SFMBT2: variants seen among roughly 807,000 people sequenced by gnomAD.
SFMBT2 encodes the protein scm-like with four MBT domains protein 2.
SFMBT2 carries 38 observed loss-of-function variants against 110.1 expected under a neutral mutation model. The ratio of observed to expected loss-of-function variants is 0.35; its 90% confidence interval spans 0.27 to 0.45. SFMBT2 has a LOEUF of 0.45. Ranked by LOEUF, SFMBT2 falls within the 20% of genes least tolerant of loss-of-function variation. SFMBT2 has a pLI of 1.00. For synonymous variants in SFMBT2, 425 were observed against 425.4 expected, an observed-to-expected ratio of 1.00 and a Z score of 0.01; for missense variants, 1,011 against 1,094.9, an observed-to-expected ratio of 0.92 and a Z score of 1.08.
chr10:7,199,887 A>G (rs902970113), intron 14 of SFMBT2, among the ~76,000 whole-genome samples: 2 of 152,228 alleles, frequency 1.3e-5, no homozygotes, highest in African/African-American at 4.8e-5. Context: ...CTTGATGGTC[A>G]GAGGGTAGCT....
At chr10:7,212,317 C>T (rs2131628682) in intron 11 of SFMBT2, among the ~76,000 whole-genome samples, 1 of 152,322 alleles carries the variant, frequency 6.6e-6, no homozygotes, top group Middle Eastern at 3.4e-3. Flanking sequence ...ATCGCTATTT[C>T]ATTTAGGAAT....
At chr10:7,237,413 T>C (rs1420020231) in intron 9 of SFMBT2, among the ~76,000 whole-genome samples, 3 of 152,272 alleles carry the variant, frequency 2.0e-5, no homozygotes, top group African/African-American at 4.8e-5. Context: ...CATAAAGATA[T>C]GCATAGCGCA....
intron 7 of SFMBT2, among the ~76,000 whole-genome samples, chr10:7,252,177 C>T (rs1180031464): frequency 1.3e-5 from 2 of 152,198 alleles, no homozygotes; most frequent in Non-Finnish European, 2.9e-5. Context: ...ATCTCATACT[C>T]CAAGTCCTCT....
chr10:7,167,600 G>A (rs546129088), intron 20 of SFMBT2, among the ~76,000 whole-genome samples: 66 of 152,194 alleles, frequency 4.3e-4, no homozygotes, highest in Non-Finnish European at 6.5e-4. Flanking sequence ...GTGACCTACC[G>A]GAGGCCTCAC....
chr10:7,348,345 T>A (rs1158326082), intron 4 of SFMBT2: 31 of 1,519,050 alleles, frequency 2.0e-5, no homozygotes, highest in Non-Finnish European at 2.2e-5. Flanking sequence ...TACAAAAAAA[T>A]AATCACAGAT....
At chr10:7,310,563 G>A (rs1246313044) in intron 4 of SFMBT2, among the ~76,000 whole-genome samples, 1 of 152,152 alleles carries the variant, frequency 6.6e-6, no homozygotes, top group Non-Finnish European at 1.5e-5. Context: ...TGATGAAAGG[G>A]GTGGGTAACT....
chr10:7,285,913 G>A lies in SFMBT2; in HGVS notation c.478C>T (p.Arg160Cys), dbSNP rs768624012. 11 of 872,312 alleles carry A rather than the reference G, an allele frequency of 1.3e-5. No individual in the cohort carries two copies. The highest frequency in any genetic ancestry group is 7.2e-5 in the East Asian group (3 of 41,716). 54.0% of individuals were successfully genotyped at this position (872,312 alleles called of 1,614,324 possible). Residue 160 changes from arginine (R) to cysteine (C), a missense_variant, in exon 5 of 21, where the codon CGT becomes TGT. By Grantham distance (180) the Arg-to-Cys change is radical (BLOSUM62 -3). Coordinates refer to ENST00000397167, the MANE Select transcript of SFMBT2 (RefSeq NM_001387889.1). ...KYTDWTEFLIRDLTGSRTAPA... is the reference protein window; with the variant it reads ...KYTDWTEFLICDLTGSRTAPA... ...GCTGTCCTCGAACCAGTCAAGTCAC[G>A]TATGAGAAATTCTGTCCAGTCTGTG...
chr10:7,195,725 G>A lies in SFMBT2; in HGVS notation c.1698+1823C>T, dbSNP rs151212839. On this transcript the variant is annotated intron_variant, in intron 15 of 20. Coordinates refer to ENST00000397167, the MANE Select transcript of SFMBT2 (RefSeq NM_001387889.1). ...CTACCAGGGGCAGGCCACCTGTTCC[G>A]CAGTCCCCACAGATTGCAGATGCCT... Among the ~76,000 whole-genome samples, 431 of 152,206 alleles carry A rather than the reference G, an allele frequency of 2.8e-3. 6 individuals are homozygous for A. Among genetic ancestry groups the A allele is most frequent in the South Asian group, 0.015 (74 of 4,820 alleles).
intron 4 of SFMBT2, among the ~76,000 whole-genome samples, chr10:7,349,440 C>CTTTTTTTTTTTTTTTCTTTTTTTT (rs1844233991): frequency 2.1e-5 from 1 of 46,888 alleles, no homozygotes; most frequent in Non-Finnish European, 3.5e-5. Flanking sequence ...CTTTTCTTTT[C>CTTTTTTTTTTTTTTTCTTTTTTTT]TTTTTTTTTT....
chr10:7,377,917 C>T (rs1436520475), intron 2 of SFMBT2, among the ~76,000 whole-genome samples: 1 of 134,240 alleles, frequency 7.4e-6, no homozygotes, highest in African/African-American at 2.8e-5. Flanking sequence ...TAGGAAAGAA[C>T]AACAAAGAAT....
chr10:7,315,137 C>T (rs573817127), intron 4 of SFMBT2, among the ~76,000 whole-genome samples: 2 of 150,268 alleles, frequency 1.3e-5, no homozygotes, highest in Non-Finnish European at 3.0e-5. Context: ...CCAGCCAATC[C>T]GGCAGCACAA....
intron 4 of SFMBT2, among the ~76,000 whole-genome samples, chr10:7,306,568 C>T (rs1221433070): frequency 1.3e-5 from 2 of 151,926 alleles, no homozygotes; most frequent in African/African-American, 4.8e-5. Flanking sequence ...TGTAGAGTTT[C>T]CAGAAGAAGC....
chr10:7,312,719 G>T (rs1366069422), intron 4 of SFMBT2, among the ~76,000 whole-genome samples: 3 of 152,118 alleles, frequency 2.0e-5, no homozygotes, highest in African/African-American at 7.2e-5. Context: ...CTTCCTAAGG[G>T]GCGTTAGCGA....
rs572209038 is a variant in SFMBT2 at position 7,341,728 on chromosome 10, G to A, written c.436+25921C>T. On this transcript the variant is annotated intron_variant, in intron 4 of 20. Transcript: ENST00000397167. Reference sequence around the variant, plus strand: ...ATATTTACAGATGAAATGAAATGATGTCTAAGAGTTCCTTCAAAGCAATAG... The same window carrying A: ...ATATTTACAGATGAAATGAAATGATATCTAAGAGTTCCTTCAAAGCAATAG... 5.9e-5 allele frequency among the ~76,000 whole-genome samples: 9 copies of A among 152,306 alleles called. No homozygotes were observed. The South Asian group carries it at 1.2e-3, about 21-fold the overall frequency.
At position 7,171,920 on chromosome 10, in the gene SFMBT2, G is replaced by A. The variant is rs1008610751; in HGVS notation, c.2390C>T (p.Pro797Leu). The A allele has an allele frequency of 6.3e-6, 9 of 1,438,496 alleles. No individual in the cohort carries two copies. Among genetic ancestry groups the A allele is most frequent in the Non-Finnish European group, 5.5e-6 (6 of 1,099,094 alleles). 89.1% of individuals were successfully genotyped at this position (1,438,496 alleles called of 1,614,324 possible). A position where few individuals can be genotyped will look rare whatever the true frequency, so the allele number is the denominator to read the frequency against. The change falls in exon 19 of 21, where the codon CCG (proline) becomes CTG (leucine). Residue 797 changes from proline (P) to leucine (L), a missense_variant. Transcript: ENST00000397167. This position sits in a 1 kb window ranked among gnomAD's most constrained non-coding sequence, Gnocchi z 4.9. ...ASSAEEGEKC[P>L]PTKPEGTEDT... The stretch of plus-strand genomic sequence containing the variant: ...CTCTGTCCCCTCGGGCTTGGTCGGC[G>A]GGCACTTCTCCCCTTCCTCTGCTGA...
At chr10:7,255,149 C>CA (rs1840955905) in intron 7 of SFMBT2, among the ~76,000 whole-genome samples, 1 of 152,154 alleles carries the variant, frequency 6.6e-6, no homozygotes, top group Non-Finnish European at 1.5e-5. Context: ...GGAGGGCATG[C>CA]ATTCATTTAC....
At chr10:7,202,803 C>T (rs1431835151) in intron 12 of SFMBT2, 5 of 985,212 alleles carry the variant, frequency 5.1e-6, no homozygotes, top group African/African-American at 3.5e-5. Flanking sequence ...CAAAAGAGTA[C>T]ACCTGTTGTA....
At chr10:7,168,474 C>T (rs1564363123) in intron 20 of SFMBT2, among the ~76,000 whole-genome samples, 1 of 152,212 alleles carries the variant, frequency 6.6e-6, no homozygotes, top group East Asian at 1.9e-4. Context: ...GTATCTTTAG[C>T]TATCAGAAGG....
At chr10:7,353,906 T>C (rs1057028909) in intron 4 of SFMBT2, among the ~76,000 whole-genome samples, 6 of 152,080 alleles carry the variant, frequency 3.9e-5, no homozygotes, top group Middle Eastern at 3.4e-3. Context: ...TGCAACATAG[T>C]GAAACCCTTT....
Sources: allele counts gnomAD v4.1 joint callset (sites outside exome capture counted in the v4.1 genomes callset), GRCh38; gene constraint gnomAD v4.1.1; non-coding constraint Gnocchi (gnomAD v3.1); transcripts MANE v1.5; gene names NCBI Gene and HGNC (gene_info 2026-07-23, HGNC 2026-07-21).